The following EXD3 variants were observed in gnomAD, a reference collection of about 807,000 sequenced individuals.
EXD3 encodes exonuclease 3'-5' domain containing 3.
In EXD3, 92 loss-of-function variants were observed where a neutral mutation model predicts 98.0. That is an observed-to-expected ratio of 0.94 (90% CI 0.79 to 1.12). EXD3 has a LOEUF of 1.12. EXD3 is among the 50% of genes most tolerant of loss of function. The pLI, the probability that EXD3 is intolerant of heterozygous loss-of-function variation, is 0.00. For synonymous variants in EXD3, 569 were observed against 526.0 expected (o/e 1.08, Z -1.12); for missense variants, 1,222 against 1,191.6 (o/e 1.03, Z -0.38).
intron 2 of EXD3, among the ~76,000 whole-genome samples, chr9:137,389,757 C>G (rs1308788952): frequency 6.6e-6 from 1 of 152,144 alleles, no homozygotes; most frequent in Non-Finnish European, 1.5e-5. Flanking sequence ...TCTGCAACCG[C>G]AGGTCAGAAA....
Position 137,346,454 on chromosome 9 carries a change from T to C in EXD3, c.1998+1617A>G, listed in dbSNP as rs114940943. ...GAAGGAGAAAACTGGTCCATTTGGC[T>C]TTGATCTGACACCCTCACACTCTTG... On this transcript the variant is annotated intron_variant, in intron 17 of 21. Transcript: ENST00000340951. 3.7e-3 allele frequency among the ~76,000 whole-genome samples: 557 copies of C among 151,244 alleles called. 10 individuals are homozygous for C. The highest frequency in any genetic ancestry group is 0.013 in the African/African-American group (533 of 40,634).
At chr9:137,367,735 G>A (rs1189773851) in intron 6 of EXD3, 9 of 557,062 alleles carry the variant, frequency 1.6e-5, no homozygotes, top group East Asian at 3.1e-5. Context: ...GTTCGTGTAC[G>A]TGCGGCTGCG....
chr9:137,355,620 AG>A (rs1176932022), intron 8 of EXD3, among the ~76,000 whole-genome samples: 180 of 7,064 alleles, frequency 0.025, 9 homozygotes, highest in Middle Eastern at 0.21. Flanking sequence ...GGAAGGAGGA[AG>A]GGAGGATGGA....
chr9:137,380,141 C>T (rs1836155416), intron 3 of EXD3, among the ~76,000 whole-genome samples: 1 of 151,958 alleles, frequency 6.6e-6, no homozygotes, highest in Admixed American at 6.6e-5. Flanking sequence ...TGCCTCCCTC[C>T]CGGGGTCCCT....
chr9:137,388,038 C>A (rs184358519), intron 2 of EXD3, among the ~76,000 whole-genome samples: 1 of 152,188 alleles, frequency 6.6e-6, no homozygotes, highest in Non-Finnish European at 1.5e-5. Context: ...GGGGGCAGAG[C>A]GGGGCAGCTG....
chr9:137,350,184 G>C (rs1459314032), intron 14 of EXD3, among the ~76,000 whole-genome samples: 1 of 68,530 alleles, frequency 1.5e-5, no homozygotes, highest in Non-Finnish European at 2.9e-5. Flanking sequence ...TGGGGATCAC[G>C]GGGAAGGTTC....
rs374855430 is a variant in EXD3 at position 137,371,575 on chromosome 9, C to T, written c.462+1330G>A. ...GCAGCGGGGTGGTGGCCTTCACGCT[C>T]GGCCCTGAAGTAAGGGGGCCCTAAT... is the stretch of plus-strand genomic sequence containing the variant. On this transcript the variant is annotated intron_variant, in intron 5 of 21. Transcript: ENST00000340951. This position sits in a 1 kb window ranked among gnomAD's most constrained non-coding sequence, Gnocchi z 8.0. 1.6e-3 allele frequency among the ~76,000 whole-genome samples: 245 copies of T among 152,134 alleles called. No individual in the cohort carries two copies. Among genetic ancestry groups the T allele is most frequent in the East Asian group, 4.8e-3 (25 of 5,166 alleles).
In EXD3 at chr9:137,330,640, C is replaced by CAGGACTACAT. The variant is rs1833023328; in HGVS notation, c.1999-6498_1999-6497insATGTAGTCCT. Among the ~76,000 whole-genome samples, 2 of 149,634 alleles carry CAGGACTACAT rather than the reference C, an allele frequency of 1.3e-5. 1 individual carries two copies. The highest frequency in any genetic ancestry group is 4.9e-5 in the African/African-American group (2 of 40,530). On this transcript the variant is annotated intron_variant, in intron 17 of 21. Transcript: ENST00000340951. ...TACACAGGAACTACACAGGACTACA[C>CAGGACTACAT]AGGAGCTACACAGGACTGATGGACT...
chr9:137,346,422 C>T (rs1004550731), intron 17 of EXD3, among the ~76,000 whole-genome samples: 6 of 152,172 alleles, frequency 3.9e-5, no homozygotes, highest in African/African-American at 1.4e-4. Context: ...CCACTTCTTA[C>T]ACCCCTGAAG....
chr9:137,336,912 A>G (rs1405215455), intron 17 of EXD3, among the ~76,000 whole-genome samples: 1 of 152,142 alleles, frequency 6.6e-6, no homozygotes, highest in East Asian at 1.9e-4. Flanking sequence ...TTCTATCAAT[A>G]CTTAACAATA....
intron 17 of EXD3, among the ~76,000 whole-genome samples, chr9:137,330,328 G>C (rs1010370213): frequency 2.4e-5 from 3 of 125,306 alleles, no homozygotes; most frequent in Non-Finnish European, 3.4e-5. Flanking sequence ...GGAGCTACAC[G>C]GGACTACACA....
At chr9:137,397,153 C>G (rs1837258011) in intron 1 of EXD3, among the ~76,000 whole-genome samples, 1 of 152,220 alleles carries the variant, frequency 6.6e-6, no homozygotes, top group African/African-American at 2.4e-5. Flanking sequence ...GGAAGGACCC[C>G]ATCAACACAC....
At chr9:137,316,380 A>G (rs1409508846) in intron 19 of EXD3, among the ~76,000 whole-genome samples, 1 of 151,704 alleles carries the variant, frequency 6.6e-6, no homozygotes, top group Non-Finnish European at 1.5e-5. Flanking sequence ...GGGGGCCGAG[A>G]CACCCTCCTT....
rs1029775939 is a variant in EXD3, at chr9:137,385,475, C to T, written c.56-2098G>A. ...GTGCCGAGCCGCATCATGTGCTCTGCGTTCCTTCCTACACATGGGTTGCAC... is the reference window on the plus strand; with the variant it reads ...GTGCCGAGCCGCATCATGTGCTCTGTGTTCCTTCCTACACATGGGTTGCAC... On this transcript the variant is annotated intron_variant, in intron 2 of 21. Transcript: ENST00000340951. The surrounding 1 kb of genome is among the most constrained non-coding windows in gnomAD (Gnocchi z 4.4). 5.9e-5 allele frequency among the ~76,000 whole-genome samples: 9 copies of T among 152,190 alleles called. No individual in the cohort carries two copies. Among genetic ancestry groups the T allele is most frequent in the East Asian group, 1.9e-4 (1 of 5,204 alleles).
At position 137,407,107 on chromosome 9, in the gene EXD3, C is replaced by A. The variant is rs1023948735; in HGVS notation, c.-47-11703G>T. The stretch of plus-strand genomic sequence containing the variant: ...GGGCGGGCGGGGGCGGCCTGCGGAG[C>A]AGCCAGTCCCGGGCACCCCACGCCG... On this transcript the variant is annotated intron_variant, in intron 1 of 21. Transcript: ENST00000340951. The surrounding 1 kb of genome is among the most constrained non-coding windows in gnomAD (Gnocchi z 4.4). 2.0e-5 allele frequency among the ~76,000 whole-genome samples: 3 copies of A among 152,146 alleles called. No individual in the cohort carries two copies. Among genetic ancestry groups the A allele is most frequent in the African/African-American group, 4.8e-5 (2 of 41,454 alleles).
chr9:137,382,802 A>G (rs1415350558), intron 3 of EXD3, among the ~76,000 whole-genome samples: 1 of 152,112 alleles, frequency 6.6e-6, no homozygotes, highest in Non-Finnish European at 1.5e-5. Context: ...TCCTGTGCAC[A>G]GGCCATTGCC....
rs1389427408 is a variant in EXD3, at chr9:137,347,403, C to T, written c.1998+668G>A. ...CCAACAATGGGACACTGAATCCTTC[C>T]TGTGCTTTGAATCTCTCTGTCTTCT... On this transcript the variant is annotated intron_variant, in intron 17 of 21. Coordinates refer to ENST00000340951, the MANE Select transcript of EXD3 (RefSeq NM_017820.5). The surrounding 1 kb of genome is among the most constrained non-coding windows in gnomAD (Gnocchi z 4.2). Among the ~76,000 whole-genome samples, 2 of 151,988 alleles carry T rather than the reference C, an allele frequency of 1.3e-5. No homozygotes were observed. The highest frequency in any genetic ancestry group is 2.9e-5 in the Non-Finnish European group (2 of 67,990).
intron 1 of EXD3, among the ~76,000 whole-genome samples, chr9:137,398,858 C>T (rs1837349201): frequency 1.4e-5 from 2 of 147,724 alleles, no homozygotes; most frequent in South Asian, 2.2e-4. Context: ...CCAAGACACA[C>T]AGGCACCCGC....
In EXD3 at chr9:137,307,495, C is replaced by T. The variant is rs1213902520; in HGVS notation, c.2317+113G>A. 1.1e-5 allele frequency: 16 copies of T among 1,405,072 alleles called. No homozygotes were observed. The Admixed American group carries it at 2.0e-4, about 18-fold the overall frequency. 87.0% of individuals were successfully genotyped at this position (1,405,072 alleles called of 1,614,324 possible). The stretch of plus-strand genomic sequence containing the variant: ...TGCAGGCCCTAGGGCCTACAGGAGC[C>T]CCACAGAGCCCCCTCTGCCCGGCCG... On this transcript the variant is annotated intron_variant, in intron 21 of 21. Transcript: ENST00000340951.
Sources: gnomAD v4.1 joint callset for allele counts (sites outside exome capture counted in the v4.1 genomes callset) on GRCh38, gnomAD v4.1.1 for gene constraint, Gnocchi (gnomAD v3.1) non-coding constraint, MANE v1.5 for transcripts, NCBI Gene and HGNC (gene_info 2026-07-23, HGNC 2026-07-21) for gene names.